The following BAALC variants were observed in gnomAD, a reference collection of about 807,000 sequenced individuals.
BAALC encodes the protein BAALC binder of MAP3K1 and KLF4.
In BAALC, 9 loss-of-function variants were observed where a neutral mutation model predicts 15.5. The ratio of observed to expected loss-of-function variants is 0.58; its 90% confidence interval spans 0.35 to 1.02. The LOEUF (loss-of-function observed/expected upper bound fraction) is 1.02, where lower values mean the gene tolerates loss of function less well. Ranked by LOEUF, BAALC falls within the 50% of genes least tolerant of loss-of-function variation. The pLI, the probability that BAALC is intolerant of heterozygous loss-of-function variation, is 0.02. For synonymous variants in BAALC, 80 were observed against 74.6 expected (o/e 1.07, Z -0.37); for missense variants, 201 against 192.4 (o/e 1.04, Z -0.27).
In BAALC at chr8:103,145,670, T is replaced by C. The variant is rs150681351; in HGVS notation, c.160+4613T>C. ...GACTCACATTAAGCTTATGATTAGT[T>C]AAAATCCTTAGATCTTTCTTTATAA... On this transcript the variant is annotated intron_variant, in intron 1 of 2. Coordinates refer to ENST00000309982, the MANE Select transcript of BAALC (RefSeq NM_024812.3). Among the ~76,000 whole-genome samples the C allele has an allele frequency of 2.7e-3, 412 of 152,374 alleles. 5 individuals are homozygous for C. The highest frequency in any genetic ancestry group is 5.3e-3 in the Admixed American group (81 of 15,308).
chr8:103,191,596 C>T (rs1811969816), intron 1 of BAALC: 1 of 152,038 alleles, frequency 6.6e-6, no homozygotes. Context: ...CGTGCCAAAC[C>T]AAGCAGAACT....
intron 1 of BAALC, among the ~76,000 whole-genome samples, chr8:103,201,733 G>T (rs892307861): frequency 6.6e-6 from 1 of 152,208 alleles, no homozygotes; most frequent in Non-Finnish European, 1.5e-5. Context: ...TTAGCTGAGA[G>T]ACTGCAACCT....
chr8:103,146,138 A>G (rs896912615), intron 1 of BAALC, among the ~76,000 whole-genome samples: 60 of 152,364 alleles, frequency 3.9e-4, no homozygotes, highest in African/African-American at 1.4e-3. Context: ...TCCATGGTCC[A>G]TACTAGAAGG....
chr8:103,196,648 T>G (rs1812104765), intron 1 of BAALC, among the ~76,000 whole-genome samples: 2 of 152,158 alleles, frequency 1.3e-5, no homozygotes, highest in Non-Finnish European at 2.9e-5. Flanking sequence ...CCGCCATCCC[T>G]TCTCATCTTA....
rs751598016 is a variant in BAALC at position 103,140,999 on chromosome 8, C to G, written c.102C>G (p.Asp34Glu). Residue 34 changes from aspartate (D) to glutamate (E), a missense_variant, in exon 1 of 3, where the codon GAC (aspartate) becomes GAG (glutamate). Transcript: ENST00000309982. The surrounding 1 kb of genome is among the most constrained non-coding windows in gnomAD (Gnocchi z 4.2). ...ESTWLTYTDS[D>E]APPSAAAPDS... is the part of the protein sequence containing the mutation. ...CCTGGCTCACCTACACCGACTCGGA[C>G]GCGCCGCCCAGCGCCGCCGCCCCGG... The G allele has an allele frequency of 1.5e-5, 23 of 1,528,664 alleles. 1 individual carries two copies. Among genetic ancestry groups the G allele is most frequent in the Non-Finnish European group, 2.0e-5 (23 of 1,138,752 alleles). The allele number at this position is 1,528,664 out of a possible 1,614,324, so 94.7% of individuals were successfully genotyped here.
chr8:103,171,137 GAGAGAAGGGA>G (rs986391099), intron 1 of BAALC, among the ~76,000 whole-genome samples: 1 of 151,202 alleles, frequency 6.6e-6, no homozygotes, highest in Non-Finnish European at 1.5e-5. Context: ...GAGAGAGAAG[GAGAGAAGGGA>G]AGAGAAGGGA....
At chr8:103,181,435 C>T (rs1475239065) in intron 1 of BAALC, among the ~76,000 whole-genome samples, 1 of 151,860 alleles carries the variant, frequency 6.6e-6, no homozygotes. Flanking sequence ...CCACGCCTGG[C>T]TAATTTTTTG....
At chr8:103,173,360 A>G (rs776797162) in intron 1 of BAALC, among the ~76,000 whole-genome samples, 3 of 152,222 alleles carry the variant, frequency 2.0e-5, no homozygotes, top group Non-Finnish European at 4.4e-5. Flanking sequence ...ATCATGAAGT[A>G]TAGAGATCTC....
At position 103,228,282 on chromosome 8, in the gene BAALC, T is replaced by C. The variant is rs538765266; in HGVS notation, c.*183T>C. On this transcript the variant is annotated 3_prime_UTR_variant, in exon 3 of 3. Coordinates refer to ENST00000309982, the MANE Select transcript of BAALC (RefSeq NM_024812.3). The stretch of plus-strand genomic sequence containing the variant: ...ATTTGTTGGGACCTTCTGAGCCTTC[T>C]ACTTATCATGTAAATGTATTGGCAC... 1 of 575,024 alleles carries C rather than the reference T, an allele frequency of 1.7e-6. No individual in the cohort carries two copies. The highest frequency in any genetic ancestry group is 1.9e-5 in the African/African-American group (1 of 53,432). 35.6% of individuals were successfully genotyped at this position (575,024 alleles called of 1,614,324 possible).
chr8:103,203,143 G>T lies in BAALC; in HGVS notation c.161-9776G>T, dbSNP rs143544037. The stretch of plus-strand genomic sequence containing the variant: ...TCAGCAGGCTCCTGCCTCACATGCT[G>T]CTGGGTACCATGGGGAAGCCATTTC... On this transcript the variant is annotated intron_variant, in intron 1 of 2. Coordinates refer to ENST00000309982, the MANE Select transcript of BAALC (RefSeq NM_024812.3). Among the ~76,000 whole-genome samples, 145 of 152,310 alleles carry T rather than the reference G, an allele frequency of 9.5e-4. No homozygotes were observed. In the East Asian group the frequency reaches 0.01, roughly 11 times the overall value.
At chr8:103,224,567 G>T (rs1271102379) in intron 2 of BAALC, among the ~76,000 whole-genome samples, 1 of 152,108 alleles carries the variant, frequency 6.6e-6, no homozygotes, top group Non-Finnish European at 1.5e-5. Context: ...ACCAAGTTTT[G>T]TTGTGCAGAG....
At chr8:103,212,362 C>T (rs1812466793) in intron 1 of BAALC, among the ~76,000 whole-genome samples, 2 of 152,026 alleles carry the variant, frequency 1.3e-5, no homozygotes, top group African/African-American at 4.8e-5. Flanking sequence ...GTGAGAGGAT[C>T]GCTTGAGCCC....
chr8:103,148,287 A>G (rs1270825810), intron 1 of BAALC, among the ~76,000 whole-genome samples: 2 of 152,182 alleles, frequency 1.3e-5, no homozygotes, highest in African/African-American at 4.8e-5. Flanking sequence ...AGCATCAAGG[A>G]AAGTCCACTG....
chr8:103,218,118 G>C (rs1812601400), intron 2 of BAALC, among the ~76,000 whole-genome samples: 1 of 152,194 alleles, frequency 6.6e-6, no homozygotes, highest in South Asian at 2.1e-4. Flanking sequence ...GCTTATGGCT[G>C]TGAGCAACAG....
At chr8:103,226,848 G>T (rs1468496551) in intron 2 of BAALC, among the ~76,000 whole-genome samples, 1 of 152,002 alleles carries the variant, frequency 6.6e-6, no homozygotes, top group Non-Finnish European at 1.5e-5. Context: ...AAAACCTTAT[G>T]AGAGAGATAA....
At chr8:103,185,288 C>T (rs1246950533) in intron 1 of BAALC, among the ~76,000 whole-genome samples, 7 of 152,082 alleles carry the variant, frequency 4.6e-5, no homozygotes. Context: ...CCACCCTCTC[C>T]AGGGAGCACC....
At chr8:103,156,770 T>C (rs906129496) in intron 1 of BAALC, among the ~76,000 whole-genome samples, 1 of 152,268 alleles carries the variant, frequency 6.6e-6, no homozygotes, top group Non-Finnish European at 1.5e-5. Context: ...GTTGTGAGTC[T>C]GGGCAGCTGA....
intron 1 of BAALC, among the ~76,000 whole-genome samples, chr8:103,171,411 A>AGGAAAG: frequency 9.5e-6 from 1 of 105,006 alleles, no homozygotes; most frequent in Non-Finnish European, 2.2e-5. Context: ...GAAAGAAAGA[A>AGGAAAG]AAGAGAGAGA....
At chr8:103,179,404 C>T (rs866523462) in intron 1 of BAALC, among the ~76,000 whole-genome samples, 1 of 152,224 alleles carries the variant, frequency 6.6e-6, no homozygotes, top group South Asian at 2.1e-4. Flanking sequence ...ATCTTTTCTG[C>T]ATTATCCCAA....
Sources: allele counts gnomAD v4.1 joint callset (sites outside exome capture counted in the v4.1 genomes callset), GRCh38; gene constraint gnomAD v4.1.1; non-coding constraint Gnocchi (gnomAD v3.1); transcripts MANE v1.5; gene names NCBI Gene and HGNC (gene_info 2026-07-23, HGNC 2026-07-21).